Variants in BMPR1B observed in about 807,000 individuals in gnomAD.
BMPR1B encodes the protein bone morphogenetic protein receptor type-1B.
Under a neutral mutation model 59.1 loss-of-function variants are expected in BMPR1B, and 12 were observed. The observed-to-expected ratio is 0.20, with a 90% CI of 0.13 to 0.33. The LOEUF is 0.33. BMPR1B is among the 10% of genes least tolerant of loss of function. The pLI is 1.00. For missense variants in BMPR1B, 550 were observed against 610.9 expected, an observed-to-expected ratio of 0.90 and a Z score of 1.05; for synonymous variants, 237 against 207.3, an observed-to-expected ratio of 1.14 and a Z score of -1.23.
At chr4:94,901,144 T>C (rs1269995914) in intron 2 of BMPR1B, among the ~76,000 whole-genome samples, 3 of 151,980 alleles carry the variant, frequency 2.0e-5, no homozygotes, top group African/African-American at 4.8e-5. Context: ...CCTGGGTACA[T>C]TGGTCATTGA....
intron 3 of BMPR1B, among the ~76,000 whole-genome samples, chr4:95,012,869 G>T (rs1032981964): frequency 1.3e-5 from 2 of 152,034 alleles, no homozygotes; most frequent in African/African-American, 4.8e-5. Context: ...TTTTGGAGAA[G>T]AATTTCTTCA....
chr4:94,853,173 TAAAA>T (rs1237079350), intron 1 of BMPR1B, among the ~76,000 whole-genome samples: 1 of 152,142 alleles, frequency 6.6e-6, no homozygotes, highest in Non-Finnish European at 1.5e-5. Flanking sequence ...GTTTATTACT[TAAAA>T]AAGCAACTCA....
chr4:94,837,421 C>CGT (rs1164697263), intron 1 of BMPR1B, among the ~76,000 whole-genome samples: 3 of 84,756 alleles, frequency 3.5e-5, no homozygotes, highest in Admixed American at 1.8e-4. Context: ...TTGTTTGTAT[C>CGT]CTCTTATTTC....
intron 3 of BMPR1B, among the ~76,000 whole-genome samples, chr4:95,031,514 A>G (rs1480209892): frequency 6.6e-6 from 1 of 152,000 alleles, no homozygotes; most frequent in African/African-American, 2.4e-5. Flanking sequence ...ATGGTTATTC[A>G]CAGATGCAAT....
rs6148578 is a variant in BMPR1B at position 95,127,044 on chromosome 4, CTGTG to C, written c.585+1947_585+1950del. Among the ~76,000 whole-genome samples the C allele has an allele frequency of 6.4e-4, 94 of 146,464 alleles. No individual in the cohort carries two copies. In the East Asian group the frequency reaches 0.012, roughly 18 times the overall value. On this transcript the variant is annotated intron_variant, in intron 8 of 12. Transcript: ENST00000515059. ...CGTAGGGCTGTTGTAAGAATTAAGA[CTGTG>C]TGTGTGTGTGTGTGTGTGTGTGTTC...
chr4:95,044,866 A>G (rs1479735115), intron 3 of BMPR1B, among the ~76,000 whole-genome samples: 1 of 152,076 alleles, frequency 6.6e-6, no homozygotes. Context: ...TGTGGGCTCT[A>G]TTGTTAGTTT....
chr4:95,056,849 A>G (rs914167656), intron 3 of BMPR1B, among the ~76,000 whole-genome samples: 2 of 152,222 alleles, frequency 1.3e-5, no homozygotes, highest in African/African-American at 4.8e-5. Flanking sequence ...GGTACTTCAC[A>G]TATACTGTTT....
intron 3 of BMPR1B, among the ~76,000 whole-genome samples, chr4:95,091,235 C>A (rs1174872060): frequency 6.6e-6 from 1 of 151,612 alleles, no homozygotes; most frequent in Non-Finnish European, 1.5e-5. Context: ...TTTTTTCATT[C>A]TTTTTCCTTT....
intron 10 of BMPR1B, among the ~76,000 whole-genome samples, chr4:95,138,895 T>G (rs1262346768): frequency 6.6e-6 from 1 of 152,248 alleles, no homozygotes; most frequent in Non-Finnish European, 1.5e-5. Context: ...GCCGATTGTC[T>G]GAAGCCTTCT....
chr4:94,832,221 G>T (rs1437354958), intron 1 of BMPR1B, among the ~76,000 whole-genome samples: 1 of 152,166 alleles, frequency 6.6e-6, no homozygotes, highest in Non-Finnish European at 1.5e-5. Flanking sequence ...TTAGTACAGA[G>T]AAATGGTGTA....
Position 94,841,118 on chromosome 4 carries a change from G to A in BMPR1B, c.-182-34713G>A, listed in dbSNP as rs542784489. On this transcript the variant is annotated intron_variant, in intron 1 of 12. Coordinates refer to ENST00000515059, the MANE Select transcript of BMPR1B (RefSeq NM_001203.3). ...ACCCACTTGAGGAGGCAGTCTGCCC[G>A]TTCTCAGATCTCCAGCTGCGTGCTG... 1.6e-3 allele frequency among the ~76,000 whole-genome samples: 232 copies of A among 149,038 alleles called. 6 individuals are homozygous for A. Among genetic ancestry groups the A allele is most frequent in the Non-Finnish European group, 2.4e-3 (157 of 66,664 alleles).
chr4:94,970,305 T>TCTTCTC (rs61339660), intron 2 of BMPR1B, among the ~76,000 whole-genome samples: 1 of 122,958 alleles, frequency 8.1e-6, no homozygotes. Context: ...TCTTCTCTTC[T>TCTTCTC]TTCTCTCTCT....
intron 2 of BMPR1B, among the ~76,000 whole-genome samples, chr4:94,918,416 C>T (rs1040410413): frequency 6.6e-6 from 1 of 152,110 alleles, no homozygotes; most frequent in Non-Finnish European, 1.5e-5. Flanking sequence ...GTGACTCATG[C>T]CTGTAGTCTC....
intron 4 of BMPR1B, among the ~76,000 whole-genome samples, chr4:95,106,563 A>G (rs1186071044): frequency 6.6e-6 from 1 of 152,026 alleles, no homozygotes; most frequent in Non-Finnish European, 1.5e-5. Context: ...AAGTTTCCAG[A>G]TGTAGATTTA....
At chr4:94,823,939 G>A (rs914500537) in intron 1 of BMPR1B, among the ~76,000 whole-genome samples, 9 of 151,992 alleles carry the variant, frequency 5.9e-5, no homozygotes, top group Non-Finnish European at 1.3e-4. Flanking sequence ...GTAGAGACGG[G>A]GTTTCACCGT....
intron 2 of BMPR1B, among the ~76,000 whole-genome samples, chr4:94,935,021 T>C (rs1729238680): frequency 6.6e-6 from 1 of 152,160 alleles, no homozygotes; most frequent in African/African-American, 2.4e-5. Context: ...AAAAAAAATA[T>C]GAACTTGAAA....
intron 10 of BMPR1B, among the ~76,000 whole-genome samples, chr4:95,139,169 C>G (rs1432540640): frequency 6.6e-6 from 1 of 152,148 alleles, no homozygotes; most frequent in African/African-American, 2.4e-5. Flanking sequence ...TTGGAGTTTG[C>G]TGGAGGTCCA....
chr4:94,820,183 GAGAA>G (rs1366469911), intron 1 of BMPR1B, among the ~76,000 whole-genome samples: 5 of 152,186 alleles, frequency 3.3e-5, no homozygotes, highest in African/African-American at 7.2e-5. Flanking sequence ...GAAGGGAAGA[GAGAA>G]AGAATTTTCT....
At chr4:94,834,874 A>G (rs1042885341) in intron 1 of BMPR1B, among the ~76,000 whole-genome samples, 1 of 151,844 alleles carries the variant, frequency 6.6e-6, no homozygotes, top group Non-Finnish European at 1.5e-5. Flanking sequence ...CTACTTCTTG[A>G]ACCAAATAGT....
Sources: allele counts gnomAD v4.1 joint callset (sites outside exome capture counted in the v4.1 genomes callset), GRCh38; gene constraint gnomAD v4.1.1; transcripts MANE v1.5; gene names NCBI Gene and HGNC (gene_info 2026-07-23, HGNC 2026-07-21).